Variants in ULK4 observed in about 807,000 individuals in gnomAD.
The protein encoded by ULK4 is unc-51 like kinase 4, also known as inactive serine/threonine-protein kinase ULK4.
A neutral mutation model predicts 160.6 loss-of-function variants in ULK4; 133 were observed. The ratio of observed to expected loss-of-function variants is 0.83; its 90% CI spans 0.72 to 0.96. The LOEUF (loss-of-function observed/expected upper bound fraction) is 0.96. ULK4 is among the 40% of genes least tolerant of loss of function. The pLI, the probability that ULK4 is intolerant of heterozygous loss-of-function variation, is 0.00. For missense variants in ULK4, 1,580 were observed against 1,499.5 expected, an observed-to-expected ratio of 1.05 and a Z score of -0.89; for synonymous variants, 534 against 539.8, an observed-to-expected ratio of 0.99 and a Z score of 0.15.
chr3:41,412,882 A>T (rs982696019), intron 34 of ULK4, among the ~76,000 whole-genome samples: 4 of 152,168 alleles, frequency 2.6e-5, no homozygotes, highest in African/African-American at 7.2e-5. Context: ...TTTTCAAAAA[A>T]TGCTTAAATA....
chr3:41,851,893 G>T (rs2042223903), intron 17 of ULK4, among the ~76,000 whole-genome samples: 1 of 152,056 alleles, frequency 6.6e-6, no homozygotes, highest in Non-Finnish European at 1.5e-5. Context: ...AAATAACTAA[G>T]ATCAGAGCAG....
intron 21 of ULK4, among the ~76,000 whole-genome samples, chr3:41,783,071 G>T (rs1011889919): frequency 6.6e-6 from 1 of 151,686 alleles, no homozygotes; most frequent in Non-Finnish European, 1.5e-5. Context: ...CAGAGAAGAG[G>T]GAATATGTCA....
At chr3:41,949,008 T>C (rs1221062670) in intron 2 of ULK4, among the ~76,000 whole-genome samples, 3 of 152,082 alleles carry the variant, frequency 2.0e-5, no homozygotes, top group Admixed American at 6.6e-5. Flanking sequence ...ATTGATTTTA[T>C]ATGTAGAAAA....
intron 32 of ULK4, among the ~76,000 whole-genome samples, chr3:41,484,075 A>G (rs754599160): frequency 7.9e-5 from 12 of 152,146 alleles, no homozygotes; most frequent in Non-Finnish European, 1.0e-4. Flanking sequence ...GGAAGTAGCG[A>G]ACATAATTTC....
intron 32 of ULK4, among the ~76,000 whole-genome samples, chr3:41,537,182 A>G (rs539768035): frequency 3.9e-5 from 5 of 129,792 alleles, no homozygotes; most frequent in Admixed American, 7.3e-5. Flanking sequence ...GAAACCCTTC[A>G]CCCCCAACCA....
intron 33 of ULK4, among the ~76,000 whole-genome samples, chr3:41,462,298 G>A (rs563721958): frequency 3.1e-4 from 47 of 152,284 alleles, no homozygotes; most frequent in Middle Eastern, 3.4e-3. Context: ...TTTAGCTTCT[G>A]CGTCTATCCA....
intron 21 of ULK4, among the ~76,000 whole-genome samples, chr3:41,780,515 G>A (rs2039802978): frequency 6.6e-6 from 1 of 152,070 alleles, no homozygotes; most frequent in Non-Finnish European, 1.5e-5. Flanking sequence ...AGTTTGTTCA[G>A]GAACCTGAGC....
intron 2 of ULK4, among the ~76,000 whole-genome samples, chr3:41,946,470 C>T (rs977717825): frequency 3.3e-5 from 5 of 152,254 alleles, no homozygotes; most frequent in East Asian, 3.9e-4. Flanking sequence ...TGACTGCATA[C>T]GTTTGTTAAA....
At chr3:41,740,536 T>C (rs1322214359) in intron 22 of ULK4, among the ~76,000 whole-genome samples, 2 of 151,930 alleles carry the variant, frequency 1.3e-5, no homozygotes, top group Non-Finnish European at 2.9e-5. Flanking sequence ...CATCATATCA[T>C]TTTTATCTGA....
intron 12 of ULK4, among the ~76,000 whole-genome samples, chr3:41,903,999 A>G (rs1484398435): frequency 6.6e-6 from 1 of 151,722 alleles, no homozygotes; most frequent in Non-Finnish European, 1.5e-5. Flanking sequence ...CTTAAAAAAA[A>G]AAAAAAAAAA....
rs145532516 is a variant in ULK4, at chr3:41,278,411, G to A, written c.3679-28837C>T. Among the ~76,000 whole-genome samples the A allele has an allele frequency of 1.9e-3, 292 of 152,270 alleles. 2 individuals carry two copies. Among genetic ancestry groups the A allele is most frequent in the African/African-American group, 6.4e-3 (266 of 41,558 alleles). On this transcript the variant is annotated intron_variant, in intron 35 of 36. Coordinates refer to ENST00000301831, the MANE Select transcript of ULK4 (RefSeq NM_017886.4). ...GCAGACAACTTCTGTAGACTTAAAC[G>A]TCCCTGGCTGACAGCTCTGAAGAGA...
intron 35 of ULK4, among the ~76,000 whole-genome samples, chr3:41,384,299 A>G (rs995763399): frequency 6.0e-4 from 91 of 152,222 alleles, no homozygotes; most frequent in Non-Finnish European, 6.9e-4. Flanking sequence ...GGCTTTTCAA[A>G]AAGTCAATTT....
In ULK4 at chr3:41,312,664, C is replaced by A. The variant is rs998440984; in HGVS notation, c.3679-63090G>T. On this transcript the variant is annotated intron_variant, in intron 35 of 36. Coordinates refer to ENST00000301831, the MANE Select transcript of ULK4 (RefSeq NM_017886.4). ...AAACAAAAACAAACAAACAAACAAA[C>A]AAAAAAACATTAGCACACCTGTAGT... Among the ~76,000 whole-genome samples the A allele has an allele frequency of 1.7e-4, 26 of 151,336 alleles. No individual in the cohort carries two copies. In the South Asian group the frequency reaches 2.1e-3, roughly 12 times the overall value.
chr3:41,758,421 A>G (rs1249283240), intron 21 of ULK4, among the ~76,000 whole-genome samples: 1 of 152,210 alleles, frequency 6.6e-6, no homozygotes, highest in Non-Finnish European at 1.5e-5. Flanking sequence ...AAAAAGGTCC[A>G]AGTCACTTAG....
At chr3:41,423,707 C>T (rs73071115) in intron 34 of ULK4, among the ~76,000 whole-genome samples, 4,918 of 152,078 alleles carry the variant, frequency 0.032, 116 homozygotes, top group Non-Finnish European at 0.05. Flanking sequence ...ACTGACTACG[C>T]GGTTGTCTTG....
chr3:41,450,362 T>C (rs964770989), intron 34 of ULK4, among the ~76,000 whole-genome samples: 1 of 152,192 alleles, frequency 6.6e-6, no homozygotes, highest in Non-Finnish European at 1.5e-5. Context: ...TAGGCATTTT[T>C]ATGGTAAGAG....
chr3:41,512,725 A>G (rs2085621415), intron 32 of ULK4, among the ~76,000 whole-genome samples: 1 of 152,172 alleles, frequency 6.6e-6, no homozygotes, highest in Non-Finnish European at 1.5e-5. Flanking sequence ...ATTCAACGTA[A>G]TTCCTCATCG....
In ULK4 at chr3:41,919,591, G is replaced by T. The variant is rs1699116103; in HGVS notation, c.643+126C>A. 12 of 773,138 alleles carry T rather than the reference G, an allele frequency of 1.6e-5. No homozygotes were observed. The South Asian group carries it at 2.1e-4, about 13-fold the overall frequency. 47.9% of individuals were successfully genotyped at this position (773,138 alleles called of 1,614,324 possible). A position where few individuals can be genotyped will look rare whatever the true frequency, so the allele number is the denominator to read the frequency against. On this transcript the variant is annotated intron_variant, in intron 6 of 36. Coordinates refer to ENST00000301831, the MANE Select transcript of ULK4 (RefSeq NM_017886.4). ...CACTCCAGACTGGGTGACAGTACGA[G>T]ACTCTGTCTCAAAATAAAAAAAAAT... is the stretch of plus-strand genomic sequence containing the variant.
Position 41,736,264 on chromosome 3 carries a change from C to T in ULK4, c.2321+18097G>A, listed in dbSNP as rs200799201. Among the ~76,000 whole-genome samples, 1,038 of 151,830 alleles carry T rather than the reference C, an allele frequency of 6.8e-3. 45 individuals are homozygous for T. In the East Asian group the frequency reaches 0.12, roughly 18 times the overall value. On this transcript the variant is annotated intron_variant, in intron 22 of 36. Transcript: ENST00000301831. ...TAGTTCTAGATCACTGAGGAATCGC[C>T]ACACTGACTTCCACAATGGTTGAAC...
Sources: allele counts gnomAD v4.1 joint callset (sites outside exome capture counted in the v4.1 genomes callset), GRCh38; gene constraint gnomAD v4.1.1; transcripts MANE v1.5; gene names NCBI Gene and HGNC (gene_info 2026-07-23, HGNC 2026-07-21).